Variants in CACNA1S observed in about 807,000 individuals in gnomAD.
CACNA1S encodes calcium voltage-gated channel subunit alpha1 S, also known as voltage-dependent L-type calcium channel subunit alpha-1S.
CACNA1S carries 126 observed loss-of-function variants against 207.4 expected under a neutral mutation model. The ratio of observed to expected loss-of-function variants is 0.61; its 90% CI spans 0.53 to 0.70. The LOEUF is 0.70. CACNA1S is among the 30% of genes least tolerant of loss of function. The pLI is 0.00. For synonymous variants in CACNA1S, 960 were observed against 932.7 expected (o/e 1.03, Z -0.53); for missense variants, 2,349 against 2,422.8 (o/e 0.97, Z 0.64).
At chr1:201,047,021 A>T in intron 38 of CACNA1S, 94 bp downstream of exon 38, 1 of 1,523,222 alleles carries the variant, frequency 6.6e-7, no homozygotes, top group Admixed American at 1.7e-5. Flanking sequence ...CTATGTCTCC[A>T]TCATTGGCCC....
chr1:201,051,810 C>T (rs924941295), intron 32 of CACNA1S, among the ~76,000 whole-genome samples: 2 of 152,178 alleles, frequency 1.3e-5, no homozygotes, highest in Non-Finnish European at 2.9e-5. Context: ...CTTCCTAGAG[C>T]AGGCAGTGCA....
At chr1:201,108,478 C>G (rs916792930) in intron 2 of CACNA1S, among the ~76,000 whole-genome samples, 1 of 152,094 alleles carries the variant, frequency 6.6e-6, no homozygotes, top group African/African-American at 2.4e-5. Flanking sequence ...GGAACTGAGG[C>G]CCAAAAATAT....
chr1:201,106,578 T>C (rs941324908), intron 2 of CACNA1S, among the ~76,000 whole-genome samples: 1 of 152,170 alleles, frequency 6.6e-6, no homozygotes, highest in Non-Finnish European at 1.5e-5. Flanking sequence ...AGGTACTAAA[T>C]ATAAAGCTTT....
intron 10 of CACNA1S, among the ~76,000 whole-genome samples, chr1:201,078,811 T>A (rs557094722): frequency 6.6e-6 from 1 of 152,202 alleles, no homozygotes; most frequent in South Asian, 2.1e-4. Context: ...AAATGGACCC[T>A]CACTTTGCCA....
At chr1:201,068,536 C>CAT (rs1558066786) in intron 19 of CACNA1S, among the ~76,000 whole-genome samples, 5 of 150,554 alleles carry the variant, frequency 3.3e-5, no homozygotes, top group Non-Finnish European at 7.4e-5. Flanking sequence ...AGCCACTGCG[C>CAT]CCGGCCACCA....
chr1:201,058,561 G>A (rs976124200), intron 27 of CACNA1S, 70 bp from the exon 28 acceptor site: 3 of 1,267,588 alleles, frequency 2.4e-6, no homozygotes, highest in African/African-American at 1.5e-5. Context: ...TGCTGGCAGA[G>A]GACAGTGTCC....
At chr1:201,064,820 G>C (rs1661185899) in intron 22 of CACNA1S, among the ~76,000 whole-genome samples, 1 of 152,246 alleles carries the variant, frequency 6.6e-6, no homozygotes, top group African/African-American at 2.4e-5. Flanking sequence ...AGGAAAATGA[G>C]AAAAGTATAA....
chr1:201,058,528 C>A, intron 27 of CACNA1S, 37 bp from the exon 28 acceptor site: 2 of 1,524,146 alleles, frequency 1.3e-6, no homozygotes, highest in Non-Finnish European at 1.8e-6. Context: ...AGGGGGTGAG[C>A]TTTGGGAGGA....
At position 201,058,441 on chromosome 1, in the gene CACNA1S, G is replaced by A. The variant is rs771294447; in HGVS notation, c.3576C>T (p.Gly1192=). The change falls in exon 28 of 44, where the codon GGC becomes GGT. Residue 1192 remains glycine, a synonymous_variant. Coordinates refer to ENST00000362061, the MANE Select transcript of CACNA1S (RefSeq NM_000069.3). The part of the protein sequence containing the change: ...WNVFDFLIVI[G]SIIDVILSEI... ...CACTGAGGATGACATCAATGATGCT[G>A]CCAATGACAATCAGGAAGTCAAACA... 1.2e-6 allele frequency: 2 copies of A among 1,614,198 alleles called. No homozygotes were observed. Among genetic ancestry groups the A allele is most frequent in the African/African-American group, 1.3e-5 (1 of 75,062 alleles).
At chr1:201,099,035 C>T (rs114586220) in intron 2 of CACNA1S, among the ~76,000 whole-genome samples, 10 of 152,146 alleles carry the variant, frequency 6.6e-5, no homozygotes, top group Non-Finnish European at 1.5e-5. Flanking sequence ...GGGCTGGGAC[C>T]GCACATCCCC....
At chr1:201,048,537 G>T (rs1453737086) in intron 36 of CACNA1S, 45 bp downstream of exon 36, 2 of 1,440,958 alleles carry the variant, frequency 1.4e-6, no homozygotes, top group Non-Finnish European at 2.0e-6. Context: ...GCCAGAAACA[G>T]CCTCTGGGAG....
chr1:201,062,898 G>A (rs12048771), intron 22 of CACNA1S, among the ~76,000 whole-genome samples: 7 of 152,144 alleles, frequency 4.6e-5, no homozygotes, highest in African/African-American at 9.7e-5. Context: ...CTTACCTCCC[G>A]CACTGCTGCA....
At chr1:201,107,176 T>C (rs1225261179) in intron 2 of CACNA1S, among the ~76,000 whole-genome samples, 2 of 152,222 alleles carry the variant, frequency 1.3e-5, no homozygotes, top group Admixed American at 1.3e-4. Flanking sequence ...AAGATAAAAT[T>C]AATTAAAATC....
At chr1:201,086,175 C>G (rs1465944212) in intron 7 of CACNA1S, among the ~76,000 whole-genome samples, 1 of 152,184 alleles carries the variant, frequency 6.6e-6, no homozygotes, top group Non-Finnish European at 1.5e-5. Flanking sequence ...GGAGCTGCGC[C>G]TGGCAGCCAG....
At chr1:201,088,167 G>T (rs528613966) in intron 6 of CACNA1S, among the ~76,000 whole-genome samples, 1 of 152,268 alleles carries the variant, frequency 6.6e-6, no homozygotes, top group East Asian at 1.9e-4. Flanking sequence ...CCTGGCCCGG[G>T]CAAGACTGAC....
At chr1:201,054,394 G>T in intron 29 of CACNA1S, 111 bp downstream of exon 29, 2 of 1,121,484 alleles carry the variant, frequency 1.8e-6, no homozygotes, top group South Asian at 1.3e-5. Context: ...TGGGGAGGGA[G>T]CCCTGAGTGC....
intron 25 of CACNA1S, 23 bp downstream of exon 25, chr1:201,061,244 C>T: frequency 1.2e-6 from 2 of 1,605,304 alleles, no homozygotes; most frequent in Non-Finnish European, 1.7e-6. Context: ...CTGCCCTCCA[C>T]CTCTGGCAGG....
rs1207756046 is a variant in CACNA1S at position 201,050,975 on chromosome 1, G to A, written c.4113+9C>T. 2 of 1,613,916 alleles carry A rather than the reference G, an allele frequency of 1.2e-6. No individual in the cohort carries two copies. The highest frequency in any genetic ancestry group is 2.7e-5 in the African/African-American group (2 of 74,894). ...CCTCTCCCTGCCCCGCAGGCCCTCA[G>A]CATCTCACCAGGAAGGCACAGAGCA... On this transcript the variant is annotated intron_variant, in intron 33 of 43. Coordinates refer to ENST00000362061, the MANE Select transcript of CACNA1S (RefSeq NM_000069.3).
At chr1:201,063,145 TCAAGGC>T (rs1661125615) in intron 22 of CACNA1S, among the ~76,000 whole-genome samples, 1 of 149,536 alleles carries the variant, frequency 6.7e-6, no homozygotes. Flanking sequence ...TTTTTTTTTT[TCAAGGC>T]TTTGCAGATT....
Sources: gnomAD v4.1 joint callset for allele counts (sites outside exome capture counted in the v4.1 genomes callset) on GRCh38, gnomAD v4.1.1 for gene constraint, MANE v1.5 for transcripts, NCBI Gene and HGNC (gene_info 2026-07-23, HGNC 2026-07-21) for gene names.